The following LRP1B variants were observed in gnomAD, a reference collection of about 807,000 sequenced individuals.
LRP1B encodes low-density lipoprotein receptor-related protein 1B.
Under a neutral mutation model 556.6 loss-of-function variants are expected in LRP1B, and 217 were observed. The observed-to-expected ratio is 0.39, with a 90% CI of 0.35 to 0.44. The LOEUF (loss-of-function observed/expected upper bound fraction) is 0.44. Ranked by LOEUF, LRP1B falls within the 20% of genes least tolerant of loss-of-function variation. The pLI is 1.00. For synonymous variants in LRP1B, 2,047 were observed against 1,865.8 expected (o/e 1.10, Z -2.50); for missense variants, 5,053 against 5,620.8 (o/e 0.90, Z 3.23).
intron 1 of LRP1B, among the ~76,000 whole-genome samples, chr2:141,851,039 A>G (rs1697837047): frequency 6.6e-6 from 1 of 151,812 alleles, no homozygotes; most frequent in Non-Finnish European, 1.5e-5. Context: ...AGAGGTTAGT[A>G]GAAAGAATCT....
intron 2 of LRP1B, among the ~76,000 whole-genome samples, chr2:141,767,037 C>T (rs962840643): frequency 1.3e-5 from 2 of 151,796 alleles, no homozygotes; most frequent in Non-Finnish European, 2.9e-5. Context: ...TGGACTTTAC[C>T]TAAAAGAAAA....
chr2:142,070,949 T>A (rs1300099743), intron 1 of LRP1B, among the ~76,000 whole-genome samples: 1 of 151,958 alleles, frequency 6.6e-6, no homozygotes, highest in Admixed American at 6.6e-5. Context: ...TTGTCATGCA[T>A]CCTCTTTCAT....
chr2:142,028,857 A>T (rs1042769666), intron 1 of LRP1B, among the ~76,000 whole-genome samples: 3 of 151,920 alleles, frequency 2.0e-5, no homozygotes, highest in Non-Finnish European at 4.4e-5. Context: ...CCATTATAAT[A>T]AAAAGTGTAG....
chr2:141,462,165 T>C (rs1325136446), intron 3 of LRP1B, among the ~76,000 whole-genome samples: 3 of 152,196 alleles, frequency 2.0e-5, no homozygotes, highest in African/African-American at 4.8e-5. Context: ...CATCCATCCA[T>C]ATATATTTCA....
intron 43 of LRP1B, among the ~76,000 whole-genome samples, chr2:140,594,203 C>T (rs566740652): frequency 2.6e-5 from 4 of 152,220 alleles, no homozygotes; most frequent in South Asian, 4.1e-4. Context: ...CTCCCGACCT[C>T]GGGTGATCCA....
intron 66 of LRP1B, among the ~76,000 whole-genome samples, chr2:140,428,945 A>G (rs1685788879): frequency 6.6e-6 from 1 of 152,064 alleles, no homozygotes; most frequent in Non-Finnish European, 1.5e-5. Flanking sequence ...CTATTCCTAG[A>G]CTACAGCCAC....
chr2:141,277,772 C>A (rs943549764), intron 3 of LRP1B, among the ~76,000 whole-genome samples: 1 of 150,104 alleles, frequency 6.7e-6, no homozygotes, highest in Admixed American at 6.7e-5. Context: ...AAAAGAAGAT[C>A]ACACAATCCA....
intron 3 of LRP1B, among the ~76,000 whole-genome samples, chr2:141,330,306 C>T (rs1687592816): frequency 6.6e-6 from 1 of 152,016 alleles, no homozygotes; most frequent in South Asian, 2.1e-4. Flanking sequence ...TTCAGTAAGT[C>T]ATCTTAGAAC....
intron 3 of LRP1B, among the ~76,000 whole-genome samples, chr2:141,332,285 C>G (rs2105496513): frequency 6.6e-6 from 1 of 152,078 alleles, no homozygotes; most frequent in East Asian, 1.9e-4. Context: ...AACCACCTAG[C>G]CTATCATGAA....
At chr2:140,824,923 T>C (rs371200617) in intron 31 of LRP1B, among the ~76,000 whole-genome samples, 1 of 152,118 alleles carries the variant, frequency 6.6e-6, no homozygotes, top group Admixed American at 6.6e-5. Flanking sequence ...TTATTGAAAA[T>C]CTACTTATGT....
At chr2:140,670,312 A>C (rs183390918) in intron 41 of LRP1B, among the ~76,000 whole-genome samples, 113 of 152,318 alleles carry the variant, frequency 7.4e-4, no homozygotes, top group African/African-American at 2.6e-3. Flanking sequence ...AGCACAAAGA[A>C]AGTTGGAAAA....
At chr2:140,924,682 T>C (rs914314937) in intron 20 of LRP1B, among the ~76,000 whole-genome samples, 13 of 152,140 alleles carry the variant, frequency 8.5e-5, no homozygotes, top group Admixed American at 3.9e-4. Context: ...GCATTGAGTT[T>C]TGGCTTTCTT....
chr2:141,266,502 A>G (rs1684895563), intron 3 of LRP1B, among the ~76,000 whole-genome samples: 1 of 150,838 alleles, frequency 6.6e-6, no homozygotes, highest in Non-Finnish European at 1.5e-5. Context: ...TGTATAAATT[A>G]AACAAAAAAC....
At chr2:141,928,290 TAG>T (rs1700390941) in intron 1 of LRP1B, among the ~76,000 whole-genome samples, 1 of 152,178 alleles carries the variant, frequency 6.6e-6, no homozygotes, top group African/African-American at 2.4e-5. Context: ...TACATTTTAA[TAG>T]AGAGGTTTTT....
intron 18 of LRP1B, among the ~76,000 whole-genome samples, chr2:140,965,240 A>C (rs764124254): frequency 1.3e-5 from 2 of 152,178 alleles, no homozygotes; most frequent in African/African-American, 2.4e-5. Context: ...CTTTCTTTAG[A>C]AATAGAGTCT....
chr2:142,060,319 G>A (rs562177200), intron 1 of LRP1B, among the ~76,000 whole-genome samples: 334 of 152,136 alleles, frequency 2.2e-3, no homozygotes, highest in Non-Finnish European at 3.9e-3. Flanking sequence ...GTTACTGGGT[G>A]TCAAAGGTGC....
chr2:142,010,479 C>T (rs1036954015), intron 1 of LRP1B, among the ~76,000 whole-genome samples: 15 of 141,508 alleles, frequency 1.1e-4, no homozygotes, highest in African/African-American at 4.0e-4. Context: ...GGCGTGAACC[C>T]GGGAGGCGGA....
At chr2:141,015,021 C>G (rs1697862393) in intron 13 of LRP1B, among the ~76,000 whole-genome samples, 3 of 152,014 alleles carry the variant, frequency 2.0e-5, no homozygotes, top group Admixed American at 2.0e-4. Context: ...TTTCTAACAT[C>G]CCCTTTTTCT....
intron 2 of LRP1B, among the ~76,000 whole-genome samples, chr2:141,492,203 C>G (rs955796479): frequency 2.6e-5 from 4 of 151,578 alleles, no homozygotes; most frequent in African/African-American, 9.7e-5. Context: ...AGTAAGGATA[C>G]TTTTGAATCC....
Sources: allele counts gnomAD v4.1 joint callset (sites outside exome capture counted in the v4.1 genomes callset), GRCh38; gene constraint gnomAD v4.1.1; transcripts MANE v1.5; gene names NCBI Gene and HGNC (gene_info 2026-07-23, HGNC 2026-07-21).